Variants in ENPEP observed in about 807,000 individuals in gnomAD.
ENPEP encodes AP-A.
A neutral mutation model predicts 114.5 loss-of-function variants in ENPEP; 103 were observed. The observed-to-expected ratio is 0.90, with a 90% CI of 0.77 to 1.06. ENPEP has a LOEUF of 1.06. ENPEP is among the 50% of genes least tolerant of loss of function. The probability of loss-of-function intolerance (pLI) is 0.00; values close to 1 mark genes in which losing one functional copy is unlikely to be tolerated. For missense variants in ENPEP, 1,196 were observed against 1,161.3 expected (o/e 1.03, Z -0.43); for synonymous variants, 420 against 422.0 (o/e 1.00, Z 0.06).
rs542215949 is a variant in ENPEP at position 110,476,311 on chromosome 4, T to G, written c.-104T>G. ...GGGTGTGGGAAAAGCGAAAACAGGC[T>G]GCCAAATCAGGGGATTCCTTCCAAT... On this transcript the variant is annotated 5_prime_UTR_variant, in exon 1 of 20. Transcript: ENST00000265162. 3.5e-6 allele frequency: 5 copies of G among 1,427,288 alleles called. No individual in the cohort carries two copies. The highest frequency in any genetic ancestry group is 4.7e-6 in the Non-Finnish European group (5 of 1,064,934). The allele number at this position is 1,427,288 out of a possible 1,614,324, so 88.4% of individuals were successfully genotyped here.
chr4:110,537,217 C>A (rs1726671318), intron 11 of ENPEP, among the ~76,000 whole-genome samples: 1 of 152,094 alleles, frequency 6.6e-6, no homozygotes, highest in African/African-American at 2.4e-5. Flanking sequence ...ATTAATTGAC[C>A]CTTCCTTTCA....
At chr4:110,554,355 A>G (rs146807136) in intron 18 of ENPEP, among the ~76,000 whole-genome samples, 79 of 152,100 alleles carry the variant, frequency 5.2e-4, no homozygotes, top group African/African-American at 1.8e-3. Context: ...CCCACAGCTC[A>G]CCAGAGTGCT....
chr4:110,515,989 C>T (rs1725753714), intron 8 of ENPEP: 1 of 291,372 alleles, frequency 3.4e-6, no homozygotes, highest in Non-Finnish European at 7.0e-6. Flanking sequence ...AATGTGACAG[C>T]TCCCAAAGGC....
chr4:110,501,353 G>A (rs1457550020), intron 3 of ENPEP, among the ~76,000 whole-genome samples: 1 of 152,044 alleles, frequency 6.6e-6, no homozygotes, highest in Non-Finnish European at 1.5e-5. Context: ...GCATGTCATA[G>A]GGGTTTGGTG....
At chr4:110,513,309 G>A in intron 6 of ENPEP, 106 bp from the exon 7 acceptor site, 6 of 1,281,744 alleles carry the variant, frequency 4.7e-6, no homozygotes, top group Non-Finnish European at 6.3e-6. Flanking sequence ...AGTAACTTAA[G>A]TCATTTATAT....
intron 11 of ENPEP, among the ~76,000 whole-genome samples, chr4:110,537,041 T>C (rs1389600398): frequency 2.6e-5 from 4 of 152,218 alleles, no homozygotes; most frequent in African/African-American, 9.6e-5. Flanking sequence ...AATTTATTGC[T>C]AAAAATGCTA....
In ENPEP at chr4:110,506,343, T is replaced by C. The variant is rs1366249933; in HGVS notation, c.919-294T>C. On this transcript the variant is annotated intron_variant, in intron 3 of 19. Coordinates refer to ENST00000265162, the MANE Select transcript of ENPEP (RefSeq NM_001977.4). The stretch of plus-strand genomic sequence containing the variant: ...CTAAGTAGAAAAAATTAATAACATT[T>C]TTCAAATGTCTGGGACATCATGCCA... 5 of 261,618 alleles carry C rather than the reference T, an allele frequency of 1.9e-5. 1 individual carries two copies. Among genetic ancestry groups the C allele is most frequent in the Non-Finnish European group, 3.6e-5 (5 of 140,016 alleles). 16.2% of individuals were successfully genotyped at this position (261,618 alleles called of 1,614,324 possible).
At chr4:110,500,277 C>T (rs1236710286) in intron 3 of ENPEP, 1 of 152,144 alleles carries the variant, frequency 6.6e-6, no homozygotes, top group Non-Finnish European at 1.5e-5. Flanking sequence ...TTACAGCAGG[C>T]TCCAATATGA....
In ENPEP at chr4:110,476,579, A is replaced by G. The variant is rs144097614; in HGVS notation, c.165A>G (p.Pro55=). The G allele has an allele frequency of 1.3e-3, 2,169 of 1,613,966 alleles. 3 individuals are homozygous for G. Among genetic ancestry groups the G allele is most frequent in the Non-Finnish European group, 1.6e-3 (1,856 of 1,179,904 alleles). The change falls in exon 1 of 20, where the codon CCA becomes CCG. Residue 55 remains proline, a synonymous_variant. Transcript: ENST00000265162. The part of the protein sequence containing the change: ...SSGDGGPGTA[P]APSHLPSSTA... ...GGGACGGCGGGCCGGGCACTGCGCCAGCTCCTTCCCACCTGCCTTCTTCCA... is the reference window on the plus strand; with the variant it reads ...GGGACGGCGGGCCGGGCACTGCGCCGGCTCCTTCCCACCTGCCTTCTTCCA...
In ENPEP at chr4:110,549,848, T is replaced by C. The variant is rs776616806; in HGVS notation, c.2463T>C (p.Tyr821=). 3 of 1,612,842 alleles carry C rather than the reference T, an allele frequency of 1.9e-6. No homozygotes were observed. The highest frequency in any genetic ancestry group is 1.1e-5 in the South Asian group (1 of 91,028). The part of the protein sequence containing the change: ...SLAQEKEKLL[Y]GLASVKNVTL... ...CTCAAGAAAAAGAAAAACTGCTGTATGGATTAGCATCAGTGAAGAACGTTA... is the reference window on the plus strand; with the variant it reads ...CTCAAGAAAAAGAAAAACTGCTGTACGGATTAGCATCAGTGAAGAACGTTA... Residue 821 remains tyrosine, a synonymous_variant, in exon 17 of 20, where the codon TAT becomes TAC. Coordinates refer to ENST00000265162, the MANE Select transcript of ENPEP (RefSeq NM_001977.4).
At chr4:110,484,620 C>T (rs865779428) in intron 1 of ENPEP, among the ~76,000 whole-genome samples, 1 of 151,330 alleles carries the variant, frequency 6.6e-6, no homozygotes, top group Admixed American at 6.6e-5. Context: ...CTCAGGAATA[C>T]GCTAGTTTAG....
At chr4:110,489,369 T>A (rs182354131) in intron 2 of ENPEP, among the ~76,000 whole-genome samples, 1 of 151,692 alleles carries the variant, frequency 6.6e-6, no homozygotes, top group African/African-American at 2.4e-5. Flanking sequence ...CAAGAACACA[T>A]GGACACAAGG....
At position 110,562,730 on chromosome 4, in the gene ENPEP, G is replaced by A. The variant is rs1206887166; in HGVS notation, c.*1172G>A. The A allele has an allele frequency of 6.6e-6, 1 of 152,060 alleles. No individual in the cohort carries two copies. Among genetic ancestry groups the A allele is most frequent in the African/African-American group, 2.4e-5 (1 of 41,412 alleles). 9.4% of individuals were successfully genotyped at this position (152,060 alleles called of 1,614,324 possible). The stretch of plus-strand genomic sequence containing the variant: ...CAAGAATATGTTTAATATGGCACTT[G>A]ATACCTCCTAGATCCATAATGTAAG... On this transcript the variant is annotated 3_prime_UTR_variant, in exon 20 of 20. Transcript: ENST00000265162.
intron 3 of ENPEP, among the ~76,000 whole-genome samples, chr4:110,502,129 G>A (rs1265810174): frequency 1.3e-5 from 2 of 152,088 alleles, no homozygotes; most frequent in African/African-American, 4.8e-5. Context: ...TTGTTTAATA[G>A]GGTTGTTTGT....
chr4:110,539,233 C>T lies in ENPEP; in HGVS notation c.1808-3518C>T, dbSNP rs868804108. ...GTGCAATAAAGTGACTTCTCTCTAG[C>T]GCAATAAAGTAAGGTATGCTTGTAC... is the stretch of plus-strand genomic sequence containing the variant. On this transcript the variant is annotated intron_variant, in intron 11 of 19. Transcript: ENST00000265162. 2.0e-5 allele frequency among the ~76,000 whole-genome samples: 3 copies of T among 152,132 alleles called. No individual in the cohort carries two copies. The South Asian group carries it at 6.2e-4, about 31-fold the overall frequency.
intron 1 of ENPEP, among the ~76,000 whole-genome samples, chr4:110,483,303 T>A (rs1724383544): frequency 6.6e-6 from 1 of 152,134 alleles, no homozygotes; most frequent in African/African-American, 2.4e-5. Context: ...CCCCTAGCAA[T>A]TGTGACTACC....
At chr4:110,509,957 G>A (rs1240370837) in intron 5 of ENPEP, 150 bp downstream of exon 5, 5 of 1,168,394 alleles carry the variant, frequency 4.3e-6, no homozygotes, top group Middle Eastern at 5.2e-4. Flanking sequence ...TAAACATTTA[G>A]CCATAAAGAG....
Position 110,509,808 on chromosome 4 carries a change from G to A in ENPEP, c.1194+1G>A, listed in dbSNP as rs1725509059. ...GGTTGCCCATGAACTTGTGCATCAG[G>A]TACAGAATCTTAGCACTGAATCAGC... On this transcript the variant is annotated splice_donor_variant, in intron 5 of 19. Transcript: ENST00000265162. LOFTEE classifies it high-confidence loss of function. 6.2e-7 allele frequency: 1 copy of A among 1,611,616 alleles called. No individual in the cohort carries two copies. Among genetic ancestry groups the A allele is most frequent in the South Asian group, 1.1e-5 (1 of 90,228 alleles).
At chr4:110,550,538 C>T (rs944242808) in intron 17 of ENPEP, among the ~76,000 whole-genome samples, 4 of 152,012 alleles carry the variant, frequency 2.6e-5, no homozygotes, top group African/African-American at 9.7e-5. Context: ...GTGTCTGCCG[C>T]AAATGCATTT....
Sources: allele counts gnomAD v4.1 joint callset (sites outside exome capture counted in the v4.1 genomes callset), GRCh38; gene constraint gnomAD v4.1.1; transcripts MANE v1.5; gene names NCBI Gene and HGNC (gene_info 2026-07-23, HGNC 2026-07-21).